Variants in CC2D2B observed in about 807,000 individuals in gnomAD.
CC2D2B encodes coiled-coil and C2 domain containing 2B.
CC2D2B carries 128 observed loss-of-function variants against 161.2 expected under a neutral mutation model. The observed-to-expected ratio is 0.79, with a 90% CI of 0.69 to 0.92. The LOEUF (loss-of-function observed/expected upper bound fraction) is 0.92, where lower values mean the gene tolerates loss of function less well. Ranked by LOEUF, CC2D2B falls within the 40% of genes least tolerant of loss-of-function variation. CC2D2B has a pLI of 0.00. For synonymous variants in CC2D2B, 391 were observed against 449.8 expected (o/e 0.87, Z 1.65); for missense variants, 1,173 against 1,375.1 (o/e 0.85, Z 2.32).
At chr10:95,916,232 G>C (rs2098516128) in intron 2 of CC2D2B, among the ~76,000 whole-genome samples, 1 of 152,010 alleles carries the variant, frequency 6.6e-6, no homozygotes, top group Non-Finnish European at 1.5e-5. Context: ...AATTTCTGCA[G>C]TATCAGCTAT....
intron 12 of CC2D2B, among the ~76,000 whole-genome samples, chr10:95,962,204 G>A (rs955737068): frequency 1.3e-5 from 2 of 152,016 alleles, no homozygotes; most frequent in Non-Finnish European, 2.9e-5. Context: ...ATGGGGAAAT[G>A]ATTTGAACAG....
chr10:95,974,688 A>G (rs145621210), intron 17 of CC2D2B, among the ~76,000 whole-genome samples: 2 of 152,342 alleles, frequency 1.3e-5, no homozygotes, highest in South Asian at 2.1e-4. Flanking sequence ...ATAATGAACA[A>G]TGATAACAAA....
At chr10:95,916,748 G>A (rs1244383136) in intron 2 of CC2D2B, among the ~76,000 whole-genome samples, 9 of 152,168 alleles carry the variant, frequency 5.9e-5, no homozygotes, top group Non-Finnish European at 1.3e-4. Context: ...TGTAATCAGA[G>A]AAGATACTTG....
intron 18 of CC2D2B, among the ~76,000 whole-genome samples, chr10:95,982,336 G>A (rs1178066107): frequency 6.6e-6 from 1 of 152,068 alleles, no homozygotes; most frequent in African/African-American, 2.4e-5. Context: ...CTGATGGATG[G>A]TCCTCTGCCA....
intron 2 of CC2D2B, 88 bp from the exon 3 acceptor site, chr10:95,921,928 T>C: frequency 1.4e-6 from 1 of 726,574 alleles, no homozygotes; most frequent in Non-Finnish European, 2.2e-6. Flanking sequence ...ACATGTACCC[T>C]AGGACTTAAA....
intron 5 of CC2D2B, among the ~76,000 whole-genome samples, chr10:95,925,519 G>C (rs1424545043): frequency 6.6e-6 from 1 of 152,134 alleles, no homozygotes; most frequent in African/African-American, 2.4e-5. Flanking sequence ...TTAATTTAAT[G>C]TGTAATCAAT....
chr10:95,950,800 A>G (rs913801957), intron 10 of CC2D2B, among the ~76,000 whole-genome samples: 1 of 152,172 alleles, frequency 6.6e-6, no homozygotes, highest in Admixed American at 6.5e-5. Flanking sequence ...AATATCTGTT[A>G]TGAACCTTCA....
At chr10:95,921,378 C>T (rs2098526862) in intron 2 of CC2D2B, 1 of 152,266 alleles carries the variant, frequency 6.6e-6, no homozygotes, top group Admixed American at 6.5e-5. Flanking sequence ...GCCATGCTGC[C>T]TGGGGATGAG....
intron 10 of CC2D2B, among the ~76,000 whole-genome samples, chr10:95,951,430 G>A (rs949471631): frequency 6.6e-6 from 1 of 152,204 alleles, no homozygotes; most frequent in Non-Finnish European, 1.5e-5. Context: ...GGGATTACAG[G>A]TGTGAGCCAC....
At chr10:95,943,128 T>C in intron 9 of CC2D2B, among the ~76,000 whole-genome samples, 1 of 152,174 alleles carries the variant, frequency 6.6e-6, no homozygotes, top group Non-Finnish European at 1.5e-5. Context: ...GGAACTAGAT[T>C]CCTGCAGCTC....
chr10:95,928,784 T>C (rs993028065), intron 6 of CC2D2B, among the ~76,000 whole-genome samples: 1 of 118,762 alleles, frequency 8.4e-6, no homozygotes, highest in Non-Finnish European at 1.6e-5. Flanking sequence ...GTGTGCCACA[T>C]TTTTTTTATT....
chr10:95,957,896 A>C (rs1287055240), intron 11 of CC2D2B, among the ~76,000 whole-genome samples: 1 of 151,708 alleles, frequency 6.6e-6, no homozygotes, highest in Non-Finnish European at 1.5e-5. Context: ...ATAACAAAAA[A>C]CAGAAAGCCC....
At chr10:96,002,574 A>G (rs10736097) in intron 24 of CC2D2B, among the ~76,000 whole-genome samples, 101,838 of 152,016 alleles carry the variant, frequency 0.67, 34,357 homozygotes, top group East Asian at 0.85. Flanking sequence ...TCCTGCTAGC[A>G]CAATGTTGTA....
At chr10:95,948,376 G>A (rs2076296063) in intron 9 of CC2D2B, among the ~76,000 whole-genome samples, 1 of 86,616 alleles carries the variant, frequency 1.2e-5, no homozygotes, top group African/African-American at 4.7e-5. Flanking sequence ...TCTGATCTTT[G>A]ACAAACCTGA....
intron 24 of CC2D2B, among the ~76,000 whole-genome samples, chr10:96,003,414 T>C (rs1303434044): frequency 8.3e-6 from 1 of 120,220 alleles, no homozygotes; most frequent in Non-Finnish European, 1.8e-5. Flanking sequence ...TAAATTCCGT[T>C]ATTTATTTAT....
chr10:95,924,389 A>G lies in CC2D2B; in HGVS notation c.173A>G (p.Lys58Arg). 6.8e-7 allele frequency: 1 copy of G among 1,477,088 alleles called. No individual in the cohort carries two copies. Among genetic ancestry groups the G allele is most frequent in the East Asian group, 2.5e-5 (1 of 39,718 alleles). 91.5% of individuals were successfully genotyped at this position (1,477,088 alleles called of 1,614,324 possible). A position where few individuals can be genotyped will look rare whatever the true frequency, so the allele number is the denominator to read the frequency against. The change falls in exon 4 of 35, where the codon AAG (lysine) becomes AGG (arginine). Residue 58 changes from lysine to arginine, a missense_variant and splice_region_variant. This residue lies in a region of CC2D2B where 298 missense variants were observed against 261.2 expected (regional missense o/e 1.14). Transcript: ENST00000646931. ...GKVREKLKIS[K>R]INKGEKSSTE... ...GTGAGAGAAAAGCTAAAAATTTCTA[A>G]GGTAATGCTTTTTAAAATTTCCTGT...
chr10:96,017,589 G>A (rs1564675370), intron 30 of CC2D2B, among the ~76,000 whole-genome samples: 2 of 152,110 alleles, frequency 1.3e-5, no homozygotes, highest in Admixed American at 6.6e-5. Flanking sequence ...AGGCTGCACA[G>A]CGTAGTTTTA....
intron 4 of CC2D2B, 40 bp downstream of exon 4, chr10:95,924,430 T>C: frequency 1.8e-6 from 2 of 1,121,270 alleles, no homozygotes; most frequent in South Asian, 3.0e-5. Flanking sequence ...AATTTACTAT[T>C]TAAATGAGAC....
chr10:95,929,227 C>T (rs573658436), intron 6 of CC2D2B, among the ~76,000 whole-genome samples: 5 of 152,062 alleles, frequency 3.3e-5, no homozygotes, highest in South Asian at 2.1e-4. Flanking sequence ...TCATATCCTT[C>T]GCTCACTTTT....
Sources: allele counts gnomAD v4.1 joint callset (sites outside exome capture counted in the v4.1 genomes callset), GRCh38; gene constraint gnomAD v4.1.1; regional missense constraint gnomAD v4.1.1; transcripts MANE v1.5; gene names NCBI Gene and HGNC (gene_info 2026-07-23, HGNC 2026-07-21).